Variants in PITPNC1 observed in about 807,000 individuals in gnomAD.
PITPNC1 encodes cytoplasmic phosphatidylinositol transfer protein 1.
In PITPNC1, 18 loss-of-function variants were observed where a neutral mutation model predicts 44.7. The observed-to-expected ratio is 0.40, with a 90% CI of 0.28 to 0.60. PITPNC1 has a LOEUF of 0.60. PITPNC1 is among the 20% of genes least tolerant of loss of function. PITPNC1 has a pLI of 0.39. For missense variants in PITPNC1, 290 were observed against 418.4 expected (o/e 0.69, Z 2.68); for synonymous variants, 141 against 149.6 (o/e 0.94, Z 0.42).
intron 1 of PITPNC1, among the ~76,000 whole-genome samples, chr17:67,446,126 T>C (rs1007121152): frequency 6.6e-6 from 1 of 151,798 alleles, no homozygotes; most frequent in South Asian, 2.1e-4. Context: ...TTTGTATTTT[T>C]GGTACAGACG....
At position 67,544,071 on chromosome 17, in the gene PITPNC1, G is replaced by A. The variant is rs373475670; in HGVS notation, c.198-8186G>A. 3.2e-4 allele frequency among the ~76,000 whole-genome samples: 48 copies of A among 152,252 alleles called. 1 individual carries two copies. The South Asian group carries it at 5.0e-3, about 16-fold the overall frequency. ...TTGCCATGTTGGCCAGGCTGGTCTC[G>A]AACTCCTGACCTCAGGTGATCCGCC... is the stretch of plus-strand genomic sequence containing the variant. On this transcript the variant is annotated intron_variant, in intron 2 of 8. Coordinates refer to ENST00000581322, the MANE Select transcript of PITPNC1 (RefSeq NM_012417.4).
At chr17:67,394,675 G>A (rs979680578) in intron 1 of PITPNC1, among the ~76,000 whole-genome samples, 8 of 151,998 alleles carry the variant, frequency 5.3e-5, no homozygotes, top group Non-Finnish European at 1.0e-4. Context: ...AGGCCGAGGC[G>A]GGTGGATCAT....
chr17:67,392,022 C>A (rs551691730), intron 1 of PITPNC1, among the ~76,000 whole-genome samples: 1 of 152,106 alleles, frequency 6.6e-6, no homozygotes, highest in Non-Finnish European at 1.5e-5. Flanking sequence ...AAGAGAACCA[C>A]CCCTACACTC....
rs71139151 is a variant in PITPNC1, at chr17:67,502,744, CATTGTATTGTATTGTATTGTATTGT to C, written c.49-30019_49-29995del. 1.2e-3 allele frequency among the ~76,000 whole-genome samples: 163 copies of C among 137,918 alleles called. 1 individual carries two copies. The highest frequency in any genetic ancestry group is 3.2e-3 in the Admixed American group (44 of 13,708). The allele number at this position is 137,918 out of a possible 152,430, so 90.5% of individuals were successfully genotyped here. A position where few individuals can be genotyped will look rare whatever the true frequency, so the allele number is the denominator to read the frequency against. The stretch of plus-strand genomic sequence containing the variant: ...GAAGTAAGATTATTGCATTGCATTG[CATTGTATTGTATTGTATTGTATTGT>C]ATTGTATTGTATTGTATTGTATTGT... On this transcript the variant is annotated intron_variant, in intron 1 of 8. Coordinates refer to ENST00000581322, the MANE Select transcript of PITPNC1 (RefSeq NM_012417.4).
chr17:67,435,409 C>T (rs968104802), intron 1 of PITPNC1, among the ~76,000 whole-genome samples: 1 of 152,186 alleles, frequency 6.6e-6, no homozygotes, highest in African/African-American at 2.4e-5. Flanking sequence ...CCAGCAGGCA[C>T]ATGGATTCAT....
intron 1 of PITPNC1, among the ~76,000 whole-genome samples, chr17:67,526,706 G>T (rs1251457613): frequency 6.6e-6 from 1 of 151,830 alleles, no homozygotes; most frequent in East Asian, 1.9e-4. Context: ...CACTCCACCT[G>T]GGCGACAGAG....
At chr17:67,419,262 G>A (rs1005341868) in intron 1 of PITPNC1, among the ~76,000 whole-genome samples, 1 of 152,118 alleles carries the variant, frequency 6.6e-6, no homozygotes, top group African/African-American at 2.4e-5. Context: ...TACATGTGGT[G>A]GAGAAATGGA....
At chr17:67,380,901 G>A (rs940659975) in intron 1 of PITPNC1, among the ~76,000 whole-genome samples, 1 of 152,104 alleles carries the variant, frequency 6.6e-6, no homozygotes, top group Non-Finnish European at 1.5e-5. Context: ...AGCCTCCTGA[G>A]TAGCTGGGAC....
At chr17:67,387,473 C>T (rs1419071222) in intron 1 of PITPNC1, among the ~76,000 whole-genome samples, 2 of 152,106 alleles carry the variant, frequency 1.3e-5, no homozygotes, top group African/African-American at 4.8e-5. Context: ...TAAGATCAGC[C>T]TGGCCAACGT....
chr17:67,378,039 C>T lies in PITPNC1; in HGVS notation c.-116C>T. On this transcript the variant is annotated 5_prime_UTR_variant, in exon 1 of 9. Transcript: ENST00000581322. ...TGAGCGCGCCGCGGGGGCTGCTTCGCCCTCCGGCTCCGAGCGCCGGGCTCC... is the reference window on the plus strand; with the variant it reads ...TGAGCGCGCCGCGGGGGCTGCTTCGTCCTCCGGCTCCGAGCGCCGGGCTCC... The T allele has an allele frequency of 3.8e-6, 2 of 528,482 alleles. No homozygotes were observed. Among genetic ancestry groups the T allele is most frequent in the East Asian group, 3.6e-5 (1 of 27,614 alleles). The allele number at this position is 528,482 out of a possible 1,614,324, so 32.7% of individuals were successfully genotyped here.
chr17:67,455,717 C>G (rs2039246695), intron 1 of PITPNC1, among the ~76,000 whole-genome samples: 1 of 152,030 alleles, frequency 6.6e-6, no homozygotes. Context: ...GCTGGGATTA[C>G]AGACGTGAGC....
intron 6 of PITPNC1, among the ~76,000 whole-genome samples, chr17:67,658,097 G>A (rs2042294173): frequency 6.6e-6 from 1 of 152,194 alleles, no homozygotes; most frequent in Non-Finnish European, 1.5e-5. Context: ...CCACTGTGCA[G>A]GACCTGAAGG....
chr17:67,559,996 G>C (rs1211973236), intron 4 of PITPNC1, among the ~76,000 whole-genome samples: 1 of 152,214 alleles, frequency 6.6e-6, no homozygotes, highest in Non-Finnish European at 1.5e-5. Context: ...AATTTAGATG[G>C]AAGCAGTCTA....
chr17:67,632,325 A>C, intron 6 of PITPNC1, 87 bp downstream of exon 6: 1 of 834,180 alleles, frequency 1.2e-6, no homozygotes, highest in East Asian at 2.5e-5. Context: ...ACTTGGGAGG[A>C]TGCCATCTCT....
At chr17:67,596,132 T>C (rs2041456700) in intron 5 of PITPNC1, among the ~76,000 whole-genome samples, 1 of 152,166 alleles carries the variant, frequency 6.6e-6, no homozygotes, top group African/African-American at 2.4e-5. Context: ...ATGTCAAAAC[T>C]AGAGTAAATT....
intron 6 of PITPNC1, among the ~76,000 whole-genome samples, chr17:67,661,304 T>A (rs2042343906): frequency 6.6e-6 from 1 of 152,096 alleles, no homozygotes; most frequent in Non-Finnish European, 1.5e-5. Context: ...AGCCCCTCCC[T>A]TCAGACTCAC....
chr17:67,676,040 A>G lies in PITPNC1; in HGVS notation c.682+498A>G, dbSNP rs888220638. On this transcript the variant is annotated intron_variant, in intron 8 of 8. Coordinates refer to ENST00000581322, the MANE Select transcript of PITPNC1 (RefSeq NM_012417.4). This position sits in a 1 kb window ranked among gnomAD's most constrained non-coding sequence, Gnocchi z 4.0. ...GCTAACACGGTGAAACCCCGTCTCT[A>G]CTAAATAATACAAAAAATTAGCCGG... Among the ~76,000 whole-genome samples the G allele has an allele frequency of 1.7e-4, 26 of 152,106 alleles. No homozygotes were observed. Among genetic ancestry groups the G allele is most frequent in the African/African-American group, 6.3e-4 (26 of 41,422 alleles).
In PITPNC1 at chr17:67,560,794, A is replaced by G. The variant is rs1461798249; in HGVS notation, c.294+7177A>G. On this transcript the variant is annotated intron_variant, in intron 4 of 8. Transcript: ENST00000581322. ...TTCAGCCATTTTGAGGGGAAAGAGCAGGTGATAGAACACGTGGCTCTACTG... is the reference window on the plus strand; with the variant it reads ...TTCAGCCATTTTGAGGGGAAAGAGCGGGTGATAGAACACGTGGCTCTACTG... Among the ~76,000 whole-genome samples, 3 of 152,318 alleles carry G rather than the reference A, an allele frequency of 2.0e-5. No homozygotes were observed. In the East Asian group the frequency reaches 5.8e-4, roughly 29 times the overall value.
At chr17:67,435,711 G>T (rs1172037754) in intron 1 of PITPNC1, among the ~76,000 whole-genome samples, 1 of 152,140 alleles carries the variant, frequency 6.6e-6, no homozygotes, top group Non-Finnish European at 1.5e-5. Context: ...AATTAGGCAG[G>T]TGTGGTGGTG....
Sources: gnomAD v4.1 joint callset for allele counts (sites outside exome capture counted in the v4.1 genomes callset) on GRCh38, gnomAD v4.1.1 for gene constraint, Gnocchi (gnomAD v3.1) non-coding constraint, MANE v1.5 for transcripts, NCBI Gene and HGNC (gene_info 2026-07-23, HGNC 2026-07-21) for gene names.